The following XPA variants were observed in gnomAD, a reference collection of about 807,000 sequenced individuals.
XPA encodes DNA repair protein complementing XP-A cells.
In XPA, 27 loss-of-function variants were observed where a neutral mutation model predicts 35.7. The ratio of observed to expected loss-of-function variants is 0.76; its 90% CI spans 0.56 to 1.04. XPA has a LOEUF of 1.04. XPA is among the 50% of genes least tolerant of loss of function. XPA has a pLI of 0.00. For synonymous variants in XPA, 133 were observed against 118.4 expected (o/e 1.12, Z -0.80); for missense variants, 354 against 342.7 (o/e 1.03, Z -0.26).
intron 5 of XPA, among the ~76,000 whole-genome samples, chr9:97,676,797 C>T (rs1370333036): frequency 6.6e-6 from 1 of 152,142 alleles, no homozygotes; most frequent in East Asian, 1.9e-4. Context: ...ATGAAAAGTA[C>T]TTTGACATTA....
chr9:97,693,757 T>C lies in XPA; in HGVS notation c.175A>G (p.Met59Val), dbSNP rs1459118524. ...SATAAAATGG[M>V]ANVKAAPKII... Reference sequence around the variant, plus strand: ...TTTGGGGCTGCTTTTACATTAGCCATGCCTACAAAAGTAAGTAAAAGCAGT... The same window carrying C: ...TTTGGGGCTGCTTTTACATTAGCCACGCCTACAAAAGTAAGTAAAAGCAGT... Residue 59 changes from methionine (M) to valine (V), a missense_variant and splice_region_variant, in exon 2 of 6, where the codon ATG becomes GTG. Coordinates refer to ENST00000375128, the MANE Select transcript of XPA (RefSeq NM_000380.4). The C allele has an allele frequency of 1.9e-6, 3 of 1,612,486 alleles. No homozygotes were observed. The highest frequency in any genetic ancestry group is 1.7e-6 in the Non-Finnish European group (2 of 1,179,864).
chr9:97,695,365 C>T (rs907226022), intron 1 of XPA, among the ~76,000 whole-genome samples: 4 of 152,214 alleles, frequency 2.6e-5, no homozygotes, highest in African/African-American at 9.6e-5. Flanking sequence ...GCCTGTTCAT[C>T]TCTCTGTATC....
intron 5 of XPA, among the ~76,000 whole-genome samples, chr9:97,677,752 C>CTTT (rs58412433): frequency 0.075 from 11,019 of 147,864 alleles, 1,389 homozygotes; most frequent in African/African-American, 0.26. Context: ...TTGGGTTTTT[C>CTTT]TTTTTTTTTT....
At chr9:97,683,714 A>G (rs1228042243) in intron 5 of XPA, among the ~76,000 whole-genome samples, 2 of 152,236 alleles carry the variant, frequency 1.3e-5, no homozygotes, top group Non-Finnish European at 2.9e-5. Flanking sequence ...TCTGCACTGT[A>G]ACTGAATTAC....
At chr9:97,661,762 A>T in the XPA span, among the ~76,000 whole-genome samples, 13 of 145,468 alleles carry the variant, frequency 8.9e-5, 1 homozygote, top group East Asian at 2.2e-3. Flanking sequence ...GTATTAATAT[A>T]ATAGAGGCTA....
downstream of XPA, chr9:97,673,104 G>A (rs1232268914): frequency 2.0e-5 from 3 of 152,214 alleles, no homozygotes; most frequent in African/African-American, 4.8e-5. Context: ...CTCCAGCCTG[G>A]GTGATGGAGC....
chr9:97,667,247 G>A, the XPA span, among the ~76,000 whole-genome samples: 5 of 152,152 alleles, frequency 3.3e-5, no homozygotes, highest in Admixed American at 1.3e-4. Flanking sequence ...CACTTTCCCC[G>A]TACTGTGAGG....
intron 5 of XPA, among the ~76,000 whole-genome samples, chr9:97,683,908 A>C (rs563806690): frequency 4.6e-5 from 7 of 152,334 alleles, no homozygotes; most frequent in Admixed American, 6.5e-5. Context: ...AATTATATGG[A>C]TAGGACGTTC....
the XPA span, chr9:97,662,052 C>T: frequency 6.2e-7 from 1 of 1,610,516 alleles, no homozygotes; most frequent in East Asian, 2.2e-5. Flanking sequence ...ATGAAGGATT[C>T]AGTTTTAACC....
downstream of XPA, chr9:97,671,182 T>C (rs1338650771): frequency 1.2e-6 from 2 of 1,610,866 alleles, no homozygotes; most frequent in Non-Finnish European, 1.7e-6. Flanking sequence ...CCAGCAGTTC[T>C]GTGCCCTGCA....
chr9:97,668,786 G>A, the XPA span: 3 of 1,554,524 alleles, frequency 1.9e-6, no homozygotes, highest in Middle Eastern at 1.7e-4. Flanking sequence ...TTCCCCTGGA[G>A]GAGATTTAAC....
the XPA span, among the ~76,000 whole-genome samples, chr9:97,659,915 T>C: frequency 3.8e-4 from 58 of 152,330 alleles, no homozygotes; most frequent in Admixed American, 1.7e-3. Context: ...CATGTACTTT[T>C]TTATTTTTTC....
At chr9:97,661,768 G>T in the XPA span, among the ~76,000 whole-genome samples, 3 of 141,624 alleles carry the variant, frequency 2.1e-5, no homozygotes, top group Admixed American at 1.4e-4. Context: ...ATATAATAGA[G>T]GCTATGAATA....
At chr9:97,680,140 TAGC>T (rs1828491848) in intron 5 of XPA, among the ~76,000 whole-genome samples, 2 of 152,196 alleles carry the variant, frequency 1.3e-5, no homozygotes, top group African/African-American at 4.8e-5. Context: ...ATACACAAGG[TAGC>T]AGCATTATAT....
At chr9:97,659,487 G>C in the XPA span, among the ~76,000 whole-genome samples, 258 of 152,180 alleles carry the variant, frequency 1.7e-3, 2 homozygotes, top group African/African-American at 5.8e-3. Flanking sequence ...TGTCGGTCCT[G>C]GTACATTTCC....
the XPA span, among the ~76,000 whole-genome samples, chr9:97,661,735 T>G: frequency 8.3e-6 from 1 of 121,132 alleles, no homozygotes; most frequent in Non-Finnish European, 1.5e-5. Flanking sequence ...CTTAAGTGTT[T>G]TTTTTTTTTT....
At chr9:97,664,593 C>G in the XPA span, 1 of 550,728 alleles carries the variant, frequency 1.8e-6, no homozygotes, top group Non-Finnish European at 3.2e-6. Context: ...GCAAAAATTC[C>G]TAGACAGTGG....
chr9:97,689,837 AC>A (rs377261682), intron 2 of XPA, among the ~76,000 whole-genome samples, 198 bp from the exon 3 acceptor site: 66 of 152,366 alleles, frequency 4.3e-4, no homozygotes, highest in African/African-American at 1.4e-3. Flanking sequence ...AAAGAAAAAA[AC>A]GTAGCAATTC....
chr9:97,676,126 T>G (rs1828358804), intron 5 of XPA, among the ~76,000 whole-genome samples: 1 of 152,228 alleles, frequency 6.6e-6, no homozygotes, highest in Non-Finnish European at 1.5e-5. Context: ...TCAAGTCTGT[T>G]GAAGTTCTTA....
Sources: gnomAD v4.1 joint callset for allele counts (sites outside exome capture counted in the v4.1 genomes callset) on GRCh38, gnomAD v4.1.1 for gene constraint, MANE v1.5 for transcripts, NCBI Gene and HGNC (gene_info 2026-07-23, HGNC 2026-07-21) for gene names.